TUSC3: variants seen among roughly 807,000 people sequenced by gnomAD.
TUSC3 encodes the protein dolichyl-diphosphooligosaccharide--protein glycosyltransferase subunit TUSC3.
In TUSC3, 45 loss-of-function variants were observed where a neutral mutation model predicts 44.8. The ratio of observed to expected loss-of-function variants is 1.00; its 90% confidence interval spans 0.79 to 1.29. TUSC3 has a LOEUF of 1.29. TUSC3 is among the 50% of genes most tolerant of loss of function. The pLI, the probability that TUSC3 is intolerant of heterozygous loss-of-function variation, is 0.00. For synonymous variants in TUSC3, 212 were observed against 152.9 expected (o/e 1.39, Z -2.85); for missense variants, 519 against 437.9 (o/e 1.19, Z -1.65).
intron 10 of TUSC3, 134 bp from the exon 11 acceptor site, chr8:15,764,069 A>G (rs1026425289): frequency 1.0e-6 from 1 of 970,234 alleles, no homozygotes; most frequent in African/African-American, 1.7e-5. Context: ...TGATGTAAAA[A>G]TTACAATTAG....
At chr8:15,616,201 A>C (rs1425082108) in intron 1 of TUSC3, among the ~76,000 whole-genome samples, 1 of 152,214 alleles carries the variant, frequency 6.6e-6, no homozygotes, top group African/African-American at 2.4e-5. Context: ...TTCAATAGGG[A>C]CTAATTTCTG....
intron 1 of TUSC3, among the ~76,000 whole-genome samples, chr8:15,554,482 T>C (rs1802168235): frequency 6.6e-6 from 1 of 151,710 alleles, no homozygotes; most frequent in African/African-American, 2.4e-5. Flanking sequence ...CAACTCACAA[T>C]GAAGAAATGT....
chr8:15,815,441 AT>A, the TUSC3 span, among the ~76,000 whole-genome samples: 258 of 152,242 alleles, frequency 1.7e-3, no homozygotes, highest in African/African-American at 5.9e-3. Flanking sequence ...TAAGAAGTAG[AT>A]GTGCTTTCAT....
intron 9 of TUSC3, among the ~76,000 whole-genome samples, chr8:15,755,359 A>G (rs1159423626): frequency 6.6e-6 from 1 of 152,170 alleles, no homozygotes; most frequent in Non-Finnish European, 1.5e-5. Flanking sequence ...GTTTGATGCT[A>G]ATTATCATTA....
At chr8:15,600,866 T>G (rs192765419) in intron 1 of TUSC3, among the ~76,000 whole-genome samples, 3 of 151,878 alleles carry the variant, frequency 2.0e-5, no homozygotes, top group South Asian at 4.1e-4. Flanking sequence ...AGTGTAAAAT[T>G]GCTTAATAAC....
the TUSC3 span, among the ~76,000 whole-genome samples, chr8:15,779,305 C>T: frequency 2.0e-5 from 3 of 152,128 alleles, no homozygotes; most frequent in African/African-American, 7.2e-5. Context: ...TACCATGTAG[C>T]AGTCCTCCCA....
the TUSC3 span, among the ~76,000 whole-genome samples, chr8:15,807,683 T>C: frequency 6.6e-6 from 1 of 152,118 alleles, no homozygotes; most frequent in African/African-American, 2.4e-5. Flanking sequence ...CTAAACACCA[T>C]ACAAAAGAAC....
chr8:15,623,960 T>C (rs373198175), intron 2 of TUSC3, among the ~76,000 whole-genome samples: 37 of 152,222 alleles, frequency 2.4e-4, no homozygotes, highest in African/African-American at 8.7e-4. Context: ...GCACTCTCCA[T>C]TGTACTTCTT....
chr8:15,673,116 C>T (rs1344143480), intron 5 of TUSC3, among the ~76,000 whole-genome samples: 1 of 152,122 alleles, frequency 6.6e-6, no homozygotes, highest in Admixed American at 6.6e-5. Flanking sequence ...ACCCTCTCTG[C>T]AATACCTTGG....
In TUSC3 at chr8:15,681,267, A is replaced by G. The variant is rs572795652; in HGVS notation, c.798+7431A>G. On this transcript the variant is annotated intron_variant, in intron 6 of 10. Coordinates refer to ENST00000503731, the MANE Select transcript of TUSC3 (RefSeq NM_006765.4). ...AGGATTGGTACCAGTTCTTCTTTATATATTTTATGGAATTCATCTGAATAC... is the reference window on the plus strand; with the variant it reads ...AGGATTGGTACCAGTTCTTCTTTATGTATTTTATGGAATTCATCTGAATAC... 2.0e-5 allele frequency among the ~76,000 whole-genome samples: 3 copies of G among 148,474 alleles called. No individual in the cohort carries two copies. In the South Asian group the frequency reaches 6.3e-4, roughly 31 times the overall value.
intron 1 of TUSC3, among the ~76,000 whole-genome samples, chr8:15,618,160 G>C (rs965995991): frequency 3.9e-5 from 6 of 152,178 alleles, no homozygotes; most frequent in East Asian, 1.9e-4. Context: ...GTCAGTAGCG[G>C]TGAGTGAGTG....
In TUSC3 at chr8:15,544,810, TAGGTGC is replaced by T. The variant is rs1330980350; in HGVS notation, c.138+4246_138+4251del. Among the ~76,000 whole-genome samples the T allele has an allele frequency of 2.0e-5, 3 of 151,718 alleles. No individual in the cohort carries two copies. In the East Asian group the frequency reaches 5.8e-4, roughly 30 times the overall value. On this transcript the variant is annotated intron_variant, in intron 1 of 10. Coordinates refer to ENST00000503731, the MANE Select transcript of TUSC3 (RefSeq NM_006765.4). ...TGTACGCATATATGCACAGAATATA[TAGGTGC>T]AGGCAATGTGATTTCACTTAGGTTA...
intron 3 of TUSC3, among the ~76,000 whole-genome samples, chr8:15,655,863 C>A (rs1183825355): frequency 6.6e-6 from 1 of 152,094 alleles, no homozygotes; most frequent in Non-Finnish European, 1.5e-5. Context: ...TTCCCCAAAC[C>A]ACCTTATTTT....
intron 6 of TUSC3, among the ~76,000 whole-genome samples, chr8:15,702,728 C>CT (rs1164977859): frequency 6.6e-6 from 1 of 152,084 alleles, no homozygotes; most frequent in Non-Finnish European, 1.5e-5. Context: ...GAAGTATTAC[C>CT]TTTTTTTCTG....
At chr8:15,586,102 C>G (rs1325563742) in intron 1 of TUSC3, among the ~76,000 whole-genome samples, 2 of 128,196 alleles carry the variant, frequency 1.6e-5, no homozygotes, top group African/African-American at 3.1e-5. Flanking sequence ...GAATGATTAA[C>G]AGTGCTAAAT....
At chr8:15,771,841 C>T in the TUSC3 span, among the ~76,000 whole-genome samples, 1 of 152,140 alleles carries the variant, frequency 6.6e-6, no homozygotes, top group African/African-American at 2.4e-5. Context: ...GTAATCCCAG[C>T]ACTTTGGGAG....
chr8:15,623,585 A>G (rs111838886), intron 2 of TUSC3, among the ~76,000 whole-genome samples: 9 of 152,062 alleles, frequency 5.9e-5, no homozygotes, highest in African/African-American at 1.9e-4. Context: ...TTTAATTTTT[A>G]ATAGAGAGGA....
intron 1 of TUSC3, among the ~76,000 whole-genome samples, chr8:15,465,402 C>G (rs1800401582): frequency 1.3e-5 from 2 of 152,132 alleles, no homozygotes; most frequent in South Asian, 4.2e-4. Flanking sequence ...GATTTGTATT[C>G]TGAATTCAAA....
At chr8:15,549,310 A>G (rs991531456) in intron 1 of TUSC3, among the ~76,000 whole-genome samples, 4 of 151,508 alleles carry the variant, frequency 2.6e-5, no homozygotes, top group African/African-American at 9.7e-5. Context: ...AGGAGCTGGG[A>G]TTACAGGCGC....
Sources: allele counts gnomAD v4.1 joint callset (sites outside exome capture counted in the v4.1 genomes callset), GRCh38; gene constraint gnomAD v4.1.1; transcripts MANE v1.5; gene names NCBI Gene and HGNC (gene_info 2026-07-23, HGNC 2026-07-21).